The following PDE4D variants were observed in gnomAD, a reference collection of about 807,000 sequenced individuals.
PDE4D encodes phosphodiesterase 4D.
PDE4D carries 24 observed loss-of-function variants against 87.4 expected under a neutral mutation model. The ratio of observed to expected loss-of-function variants is 0.27; its 90% confidence interval spans 0.20 to 0.39. PDE4D has a LOEUF of 0.39. PDE4D is among the 10% of genes least tolerant of loss of function. The pLI is 1.00. For synonymous variants in PDE4D, 384 were observed against 383.2 expected (o/e 1.00, Z -0.02); for missense variants, 714 against 1,041.0 (o/e 0.69, Z 4.32).
At chr5:60,124,917 T>G (rs1290088017) in intron 2 of PDE4D, among the ~76,000 whole-genome samples, 1 of 152,174 alleles carries the variant, frequency 6.6e-6, no homozygotes, top group Non-Finnish European at 1.5e-5. Flanking sequence ...CATTCACAAT[T>G]AATCATGCAT....
At chr5:59,558,603 G>C (rs1819395149) in intron 1 of PDE4D, 1 of 152,142 alleles carries the variant, frequency 6.6e-6, no homozygotes, top group Non-Finnish European at 1.5e-5. Context: ...ATAGAGAAAA[G>C]TAAGGGATTG....
intron 1 of PDE4D, among the ~76,000 whole-genome samples, chr5:59,465,810 T>C (rs756331307): frequency 2.8e-4 from 42 of 152,228 alleles, no homozygotes; most frequent in Admixed American, 4.6e-4. Flanking sequence ...ATGACTGGGC[T>C]AACTGCTTTG....
intron 1 of PDE4D, among the ~76,000 whole-genome samples, chr5:59,266,405 G>A (rs115071014): frequency 2.3e-3 from 345 of 151,862 alleles, no homozygotes; most frequent in Non-Finnish European, 4.0e-3. Flanking sequence ...TCCACATTGG[G>A]GTTAGGGGTG....
At chr5:59,415,585 A>G (rs769525372) in intron 1 of PDE4D, among the ~76,000 whole-genome samples, 3 of 152,150 alleles carry the variant, frequency 2.0e-5, no homozygotes, top group Non-Finnish European at 4.4e-5. Flanking sequence ...ACAACTTGGG[A>G]AGTGAATCTA....
At chr5:59,695,683 C>A (rs942730805) in intron 1 of PDE4D, among the ~76,000 whole-genome samples, 1 of 152,128 alleles carries the variant, frequency 6.6e-6, no homozygotes, top group Non-Finnish European at 1.5e-5. Flanking sequence ...TTCGCTGCAG[C>A]CTTGACCTCC....
At chr5:59,947,717 G>A (rs1466057554) in intron 3 of PDE4D, among the ~76,000 whole-genome samples, 1 of 152,162 alleles carries the variant, frequency 6.6e-6, no homozygotes, top group African/African-American at 2.4e-5. Flanking sequence ...ATGCTAGGTT[G>A]GCTCTTAAGG....
chr5:59,656,510 A>C (rs934982066), intron 1 of PDE4D, among the ~76,000 whole-genome samples: 2 of 152,222 alleles, frequency 1.3e-5, no homozygotes, highest in African/African-American at 4.8e-5. Flanking sequence ...CTGACCAGAA[A>C]GCAGTTATAG....
chr5:60,066,416 T>G (rs978886516), intron 2 of PDE4D, among the ~76,000 whole-genome samples: 2 of 152,172 alleles, frequency 1.3e-5, no homozygotes, highest in African/African-American at 2.4e-5. Flanking sequence ...GAACAATCTT[T>G]TGATAAGATA....
At chr5:60,333,520 A>C (rs1220871567) in intron 1 of PDE4D, among the ~76,000 whole-genome samples, 1 of 152,180 alleles carries the variant, frequency 6.6e-6, no homozygotes, top group Non-Finnish European at 1.5e-5. Flanking sequence ...GACGATGAAC[A>C]AGCCCACGTG....
At chr5:60,314,824 T>C (rs933230472) in intron 1 of PDE4D, among the ~76,000 whole-genome samples, 1 of 152,210 alleles carries the variant, frequency 6.6e-6, no homozygotes. Flanking sequence ...ACTCATCATT[T>C]CTTATGGCTG....
intron 5 of PDE4D, among the ~76,000 whole-genome samples, chr5:59,091,360 T>A (rs1222311336): frequency 1.3e-5 from 2 of 151,914 alleles, no homozygotes; most frequent in African/African-American, 2.4e-5. Flanking sequence ...ATTCATAATA[T>A]TTCCAAACTG....
chr5:59,872,104 A>G (rs530633561), intron 1 of PDE4D, among the ~76,000 whole-genome samples: 1 of 152,266 alleles, frequency 6.6e-6, no homozygotes, highest in South Asian at 2.1e-4. Flanking sequence ...AAGGAAGTCA[A>G]GTAGAACTAA....
chr5:60,351,781 TTTTATTTA>T (rs144196649), intron 1 of PDE4D, among the ~76,000 whole-genome samples: 61 of 147,208 alleles, frequency 4.1e-4, no homozygotes, highest in South Asian at 1.3e-3. Flanking sequence ...CACCTAATTA[TTTTATTTA>T]TTTATTTATT....
intron 2 of PDE4D, among the ~76,000 whole-genome samples, chr5:60,092,939 G>A (rs78237328): frequency 0.02 from 2,995 of 152,262 alleles, 55 homozygotes; most frequent in Non-Finnish European, 0.031. Context: ...GACTCACCAC[G>A]AGGGACTACC....
At position 59,399,427 on chromosome 5, in the gene PDE4D, G is replaced by T. The variant is rs1240062824; in HGVS notation, c.456-183459C>A. On this transcript the variant is annotated intron_variant, in intron 1 of 14. Transcript: ENST00000340635. ...GAACAGAGCCCTCAGAAATAACGCC[G>T]CATATCTACAACTATCTGATCTTTG... Among the ~76,000 whole-genome samples, 33 of 138,308 alleles carry T rather than the reference G, an allele frequency of 2.4e-4. No homozygotes were observed. The South Asian group carries it at 3.1e-3, about 13-fold the overall frequency. 90.7% of individuals were successfully genotyped at this position (138,308 alleles called of 152,430 possible).
chr5:59,180,565 C>T (rs1210265867), intron 5 of PDE4D, 30 bp downstream of exon 5: 5 of 1,591,922 alleles, frequency 3.1e-6, no homozygotes, highest in Non-Finnish European at 4.3e-6. Context: ...TTCCTAGACA[C>T]ATGAAGAATA....
chr5:58,985,906 C>G (rs1746310766), intron 11 of PDE4D, among the ~76,000 whole-genome samples: 1 of 152,202 alleles, frequency 6.6e-6, no homozygotes. Flanking sequence ...TACATGATCC[C>G]TAGCCAAACC....
At chr5:60,055,920 A>C (rs1770726664) in intron 2 of PDE4D, among the ~76,000 whole-genome samples, 1 of 152,070 alleles carries the variant, frequency 6.6e-6, no homozygotes. Flanking sequence ...TAACAAAGAA[A>C]CCAAAAGGGA....
At chr5:59,222,450 C>A (rs1581459190) in intron 1 of PDE4D, among the ~76,000 whole-genome samples, 1 of 152,126 alleles carries the variant, frequency 6.6e-6, no homozygotes, top group African/African-American at 2.4e-5. Flanking sequence ...GCACTGACCC[C>A]CAGTATGAAG....
Sources: gnomAD v4.1 joint callset for allele counts (sites outside exome capture counted in the v4.1 genomes callset) on GRCh38, gnomAD v4.1.1 for gene constraint, MANE v1.5 for transcripts, NCBI Gene and HGNC (gene_info 2026-07-23, HGNC 2026-07-21) for gene names.